The following PCDHGA3 variants were observed in gnomAD, a reference collection of about 807,000 sequenced individuals.
PCDHGA3 encodes protocadherin gamma-A3.
In PCDHGA3, 40 loss-of-function variants were observed where a neutral mutation model predicts 58.5. The ratio of observed to expected loss-of-function variants is 0.68; its 90% CI spans 0.53 to 0.89. PCDHGA3 has a LOEUF of 0.89. PCDHGA3 is among the 40% of genes least tolerant of loss of function. The pLI is 0.00. For missense variants in PCDHGA3, 1,223 were observed against 1,195.9 expected (o/e 1.02, Z -0.33); for synonymous variants, 530 against 525.7 (o/e 1.01, Z -0.11).
chr5:141,511,485 C>T lies in PCDHGA3; in HGVS notation c.*312C>T, dbSNP rs1324849800. 1.8e-5 allele frequency: 8 copies of T among 453,300 alleles called. No individual in the cohort carries two copies. The highest frequency in any genetic ancestry group is 1.2e-4 in the African/African-American group (6 of 50,332). The allele number at this position is 453,300 out of a possible 1,614,324, so 28.1% of individuals were successfully genotyped here. A position where few individuals can be genotyped will look rare whatever the true frequency, so the allele number is the denominator to read the frequency against. On this transcript the variant is annotated 3_prime_UTR_variant, in exon 4 of 4. Coordinates refer to ENST00000253812, the MANE Select transcript of PCDHGA3 (RefSeq NM_018916.4). Reference sequence around the variant, plus strand: ...ACCCCGTTTAGTTACAGCTGAACTCCTCCATCTTCCAAATCAATCAGGCCC... The same window carrying T: ...ACCCCGTTTAGTTACAGCTGAACTCTTCCATCTTCCAAATCAATCAGGCCC...
chr5:141,420,187 C>T (rs1369031488), intron 1 of PCDHGA3: 7 of 1,613,824 alleles, frequency 4.3e-6, no homozygotes, highest in Non-Finnish European at 5.9e-6. Context: ...ATTGTCCAGC[C>T]ACACAAGATA....
intron 1 of PCDHGA3, among the ~76,000 whole-genome samples, chr5:141,472,245 T>A (rs1217786736): frequency 6.6e-6 from 1 of 152,144 alleles, no homozygotes; most frequent in East Asian, 1.9e-4. Context: ...ACTTTCTATT[T>A]TAAAGTTATA....
intron 1 of PCDHGA3, chr5:141,422,532 A>G (rs752364905): frequency 6.2e-7 from 1 of 1,614,030 alleles, no homozygotes; most frequent in South Asian, 1.1e-5. Flanking sequence ...CTTTGTCTGC[A>G]GAAACTCATG....
At chr5:141,402,335 G>A (rs1157845729) in intron 1 of PCDHGA3, among the ~76,000 whole-genome samples, 1 of 151,508 alleles carries the variant, frequency 6.6e-6, no homozygotes, top group Non-Finnish European at 1.5e-5. Context: ...CAAATATATA[G>A]GTATAAAAAT....
At position 141,361,017 on chromosome 5, in the gene PCDHGA3, A is replaced by G. The variant is rs767981942; in HGVS notation, c.2424+14560A>G. 1.9e-6 allele frequency: 3 copies of G among 1,613,324 alleles called. No individual in the cohort carries two copies. The Admixed American group carries it at 5.0e-5, about 27-fold the overall frequency. On this transcript the variant is annotated intron_variant, in intron 1 of 3. Transcript: ENST00000253812. ...AACAAGTGAAACACTTTTTCAACTTAAATGAAAAAACAGGAGAAATCACGA... is the reference window on the plus strand; with the variant it reads ...AACAAGTGAAACACTTTTTCAACTTGAATGAAAAAACAGGAGAAATCACGA...
At chr5:141,488,932 A>G (rs2233598) in intron 1 of PCDHGA3, among the ~76,000 whole-genome samples, 31,368 of 152,090 alleles carry the variant, frequency 0.21, 3,372 homozygotes, top group Admixed American at 0.31. Flanking sequence ...GGATTGAGGA[A>G]ACTCCATAAT....
intron 1 of PCDHGA3, among the ~76,000 whole-genome samples, chr5:141,434,345 G>C (rs1254991411): frequency 1.3e-5 from 2 of 152,144 alleles, no homozygotes; most frequent in African/African-American, 4.8e-5. Flanking sequence ...GTCGGGAACA[G>C]GCCCCCCAAA....
chr5:141,352,016 A>C lies in PCDHGA3; in HGVS notation c.2424+5559A>C, dbSNP rs1588492116. ...CGCAGAGCCCGGCTACCTGGTGACC[A>C]AGGTGGTGGCGGTGGACGCAGACTC... On this transcript the variant is annotated intron_variant, in intron 1 of 3. Coordinates refer to ENST00000253812, the MANE Select transcript of PCDHGA3 (RefSeq NM_018916.4). 1.9e-6 allele frequency: 3 copies of C among 1,609,870 alleles called. No individual in the cohort carries two copies. Among genetic ancestry groups the C allele is most frequent in the Non-Finnish European group, 2.5e-6 (3 of 1,179,152 alleles).
chr5:141,433,935 T>C (rs2097665519), intron 1 of PCDHGA3, among the ~76,000 whole-genome samples: 1 of 152,150 alleles, frequency 6.6e-6, no homozygotes, highest in African/African-American at 2.4e-5. Context: ...GATTTTATAA[T>C]TCCATTGTTT....
chr5:141,489,229 G>A lies in PCDHGA3; in HGVS notation c.2425-5578G>A, dbSNP rs1188849525. 5.9e-6 allele frequency: 9 copies of A among 1,522,134 alleles called. No homozygotes were observed. In the Admixed American group the frequency reaches 6.4e-5, roughly 11 times the overall value. 94.3% of individuals were successfully genotyped at this position (1,522,134 alleles called of 1,614,324 possible). On this transcript the variant is annotated intron_variant, in intron 1 of 3. Transcript: ENST00000253812. The surrounding 1 kb of genome is among the most constrained non-coding windows in gnomAD (Gnocchi z 4.5). The stretch of plus-strand genomic sequence containing the variant: ...AGCACAGACTTACTCTCCACAAAGG[G>A]ACTTCTGGGTCATGGGGCCCAAGAC...
At chr5:141,347,114 C>T (rs1057025155) in intron 1 of PCDHGA3, among the ~76,000 whole-genome samples, 13 of 88,962 alleles carry the variant, frequency 1.5e-4, no homozygotes, top group Admixed American at 3.6e-4. Context: ...TCTCTTTCCT[C>T]CTTCCTTCCT....
chr5:141,415,113 C>T, intron 1 of PCDHGA3: 1 of 1,613,642 alleles, frequency 6.2e-7, no homozygotes, highest in Middle Eastern at 1.7e-4. Context: ...AGCAAAGCCT[C>T]GTAGTGGCCG....
intron 2 of PCDHGA3, among the ~76,000 whole-genome samples, chr5:141,498,847 C>T (rs932801278): frequency 1.3e-5 from 2 of 151,856 alleles, no homozygotes; most frequent in Admixed American, 1.3e-4. Flanking sequence ...GCAGGGGAAT[C>T]GCTTGAACCC....
At position 141,431,035 on chromosome 5, in the gene PCDHGA3, G is replaced by C; in HGVS notation, c.2425-63772G>C. The C allele has an allele frequency of 6.2e-7, 1 of 1,614,186 alleles. No individual in the cohort carries two copies. Among genetic ancestry groups the C allele is most frequent in the South Asian group, 1.1e-5 (1 of 91,086 alleles). ...TGGTCACGGCGGGCAGGATAGACCG[G>C]GAGGAGCTCTGTATGGGGGCCATCA... On this transcript the variant is annotated intron_variant, in intron 1 of 3. Transcript: ENST00000253812. The surrounding 1 kb of genome is among the most constrained non-coding windows in gnomAD (Gnocchi z 4.8).
In PCDHGA3 at chr5:141,423,390, T is replaced by C. The variant is rs751337994; in HGVS notation, c.2425-71417T>C. ...TGGCACTCAGGCTGTGGCGCTGGCATAAGTCACGCCTGCTGCAGGCTTCTG... is the reference window on the plus strand; with the variant it reads ...TGGCACTCAGGCTGTGGCGCTGGCACAAGTCACGCCTGCTGCAGGCTTCTG... On this transcript the variant is annotated intron_variant, in intron 1 of 3. Coordinates refer to ENST00000253812, the MANE Select transcript of PCDHGA3 (RefSeq NM_018916.4). 2.5e-6 allele frequency: 4 copies of C among 1,614,144 alleles called. No homozygotes were observed. In the South Asian group the frequency reaches 3.3e-5, roughly 13 times the overall value.
At chr5:141,399,311 A>C in intron 1 of PCDHGA3, 1 of 1,613,970 alleles carries the variant, frequency 6.2e-7, no homozygotes, top group Non-Finnish European at 8.5e-7. Context: ...TCTTCATCCA[A>C]AAATTCGTAT....
At position 141,477,272 on chromosome 5, in the gene PCDHGA3, C is replaced by G. The variant is rs2099408579; in HGVS notation, c.2425-17535C>G. The G allele has an allele frequency of 1.2e-6, 2 of 1,614,090 alleles. No homozygotes were observed. The highest frequency in any genetic ancestry group is 1.7e-6 in the Non-Finnish European group (2 of 1,180,048). Reference sequence around the variant, plus strand: ...TGACCTGGATGCTGGCGAGAACGGGCTGGTGACCTGCGAAGTTCCACCGGG... The same window carrying G: ...TGACCTGGATGCTGGCGAGAACGGGGTGGTGACCTGCGAAGTTCCACCGGG... On this transcript the variant is annotated intron_variant, in intron 1 of 3. Coordinates refer to ENST00000253812, the MANE Select transcript of PCDHGA3 (RefSeq NM_018916.4). This position sits in a 1 kb window ranked among gnomAD's most constrained non-coding sequence, Gnocchi z 4.9.
intron 1 of PCDHGA3, chr5:141,409,866 G>A (rs1268327848): frequency 3.7e-6 from 6 of 1,612,258 alleles, no homozygotes; most frequent in East Asian, 4.5e-5. Context: ...GTGGGAGACC[G>A]CAATGACAAC....
rs769717528 is a variant in PCDHGA3, at chr5:141,390,239, C to G, written c.2424+43782C>G. ...TACTTTGCGGTGATTCATCTGGGGCCTTATTTCCACTTTGTAATTCCAGTG... is the reference window on the plus strand; with the variant it reads ...TACTTTGCGGTGATTCATCTGGGGCGTTATTTCCACTTTGTAATTCCAGTG... On this transcript the variant is annotated intron_variant, in intron 1 of 3. Coordinates refer to ENST00000253812, the MANE Select transcript of PCDHGA3 (RefSeq NM_018916.4). 32 of 1,613,904 alleles carry G rather than the reference C, an allele frequency of 2.0e-5. No homozygotes were observed. In the Admixed American group the frequency reaches 5.3e-4, roughly 27 times the overall value.
Sources: allele counts gnomAD v4.1 joint callset (sites outside exome capture counted in the v4.1 genomes callset), GRCh38; gene constraint gnomAD v4.1.1; non-coding constraint Gnocchi (gnomAD v3.1); transcripts MANE v1.5; gene names NCBI Gene and HGNC (gene_info 2026-07-23, HGNC 2026-07-21).